C16orf89: variants seen among roughly 807,000 people sequenced by gnomAD.
The protein encoded by C16orf89 is chromosome 16 open reading frame 89.
In C16orf89, 57 loss-of-function variants were observed where a neutral mutation model predicts 41.5. The observed-to-expected ratio is 1.38, with a 90% CI of 1.11 to 1.71. C16orf89 has a LOEUF of 1.71. Ranked by LOEUF, C16orf89 falls within the 40% of genes most tolerant of loss-of-function variation. The pLI is 0.00. For synonymous variants in C16orf89, 223 were observed against 190.6 expected, an observed-to-expected ratio of 1.17 and a Z score of -1.40; for missense variants, 575 against 445.9, an observed-to-expected ratio of 1.29 and a Z score of -2.61.
intron 7 of C16orf89, among the ~76,000 whole-genome samples, chr16:5,045,370 C>T (rs1323301818): frequency 6.6e-6 from 1 of 152,190 alleles, no homozygotes; most frequent in Admixed American, 6.5e-5. Flanking sequence ...GAGTCAGAGT[C>T]TCAGGCCTGA....
At chr16:5,060,847 A>G (rs1392656036) in intron 2 of C16orf89, among the ~76,000 whole-genome samples, 2 of 151,940 alleles carry the variant, frequency 1.3e-5, no homozygotes, top group African/African-American at 4.8e-5. Context: ...AAAAATAAAA[A>G]AAGTAGCCAG....
chr16:5,060,853 G>A (rs1956603382), intron 2 of C16orf89, among the ~76,000 whole-genome samples: 1 of 151,054 alleles, frequency 6.6e-6, no homozygotes, highest in Admixed American at 6.6e-5. Flanking sequence ...AAAAAAAGTA[G>A]CCAGGTGTGG....
At chr16:5,062,660 G>C in intron 1 of C16orf89, 86 bp from the exon 2 acceptor site, 1 of 1,384,824 alleles carries the variant, frequency 7.2e-7, no homozygotes, top group Non-Finnish European at 9.8e-7. Context: ...ATGCCCCAAA[G>C]TCTAATGCTT....
intron 6 of C16orf89, among the ~76,000 whole-genome samples, chr16:5,053,293 C>G (rs1956431067): frequency 6.6e-6 from 1 of 152,032 alleles, no homozygotes; most frequent in Non-Finnish European, 1.5e-5. Context: ...TCGCTTGTAC[C>G]TGGGAGGCGG....
intron 7 of C16orf89, among the ~76,000 whole-genome samples, chr16:5,046,727 T>C (rs1017869087): frequency 6.6e-6 from 1 of 152,146 alleles, no homozygotes; most frequent in Admixed American, 6.6e-5. Flanking sequence ...TGTGTCCCCC[T>C]CCTTCCCTTT....
rs1339950167 is a variant in C16orf89, at chr16:5,047,795, A to G, written c.955+83T>C. 9.8e-6 allele frequency: 8 copies of G among 817,978 alleles called. No homozygotes were observed. The East Asian group carries it at 1.3e-4, about 13-fold the overall frequency. The allele number at this position is 817,978 out of a possible 1,614,324, so 50.7% of individuals were successfully genotyped here. On this transcript the variant is annotated intron_variant, in intron 7 of 7. Transcript: ENST00000472572. ...TGGTGATGCCAAGTGCTTTTCTTCC[A>G]TAGCAGAGAATAAACACAGGCCTCT...
rs759387330 is a variant in C16orf89 at position 5,055,340 on chromosome 16, A to G, written c.774T>C (p.Cys258=). Residue 258 remains cysteine, a synonymous_variant, in exon 6 of 8, where the codon TGT becomes TGC. Coordinates refer to ENST00000472572, the MANE Select transcript of C16orf89 (RefSeq NM_001098514.3). ...AGAAGTCGGAGAAGCCGCCCATTCC[A>G]CAGAACATGACTGGAAGTAAAGACG... ...RDIFMENIMF[C]GMGGFSDFYK... 1.2e-6 allele frequency: 2 copies of G among 1,610,030 alleles called. No individual in the cohort carries two copies. The highest frequency in any genetic ancestry group is 1.7e-6 in the Non-Finnish European group (2 of 1,177,762).
At position 5,044,325 on chromosome 16, in the gene C16orf89, C is replaced by A; in HGVS notation, c.*23G>T. ...TAAAGGGGTCTGTTCCTCCTCCAGG[C>A]AGCTGGCATGGAACCGTCCGTCTCA... On this transcript the variant is annotated 3_prime_UTR_variant, in exon 8 of 8. Transcript: ENST00000472572. The A allele has an allele frequency of 1.5e-5, 24 of 1,578,490 alleles. No individual in the cohort carries two copies. The highest frequency in any genetic ancestry group is 2.0e-5 in the Non-Finnish European group (23 of 1,163,868).
In C16orf89 at chr16:5,047,803, G is replaced by C; in HGVS notation, c.955+75C>G. The stretch of plus-strand genomic sequence containing the variant: ...CCAAGTGCTTTTCTTCCATAGCAGA[G>C]AATAAACACAGGCCTCTGTTTTGCT... On this transcript the variant is annotated intron_variant, in intron 7 of 7. Transcript: ENST00000472572. 9 of 860,658 alleles carry C rather than the reference G, an allele frequency of 1.0e-5. No homozygotes were observed. In the South Asian group the frequency reaches 1.3e-4, roughly 12 times the overall value. 53.3% of individuals were successfully genotyped at this position (860,658 alleles called of 1,614,324 possible). A position where few individuals can be genotyped will look rare whatever the true frequency, so the allele number is the denominator to read the frequency against.
chr16:5,058,410 G>A, intron 4 of C16orf89, 83 bp downstream of exon 4: 2 of 1,264,520 alleles, frequency 1.6e-6, no homozygotes, highest in South Asian at 2.6e-5. Context: ...TTGGATTACA[G>A]GCATGAGCCA....
chr16:5,058,219 C>G lies in C16orf89; in HGVS notation c.627+274G>C, dbSNP rs182721081. 4.8e-3 allele frequency among the ~76,000 whole-genome samples: 729 copies of G among 152,042 alleles called. 1 individual carries two copies. The highest frequency in any genetic ancestry group is 6.3e-3 in the Non-Finnish European group (427 of 67,982). ...CTTACTCACTGCAACCTCCGCCTCC[C>G]GGGTTCCAGTGATTCTCCTGCCTCA... On this transcript the variant is annotated intron_variant, in intron 4 of 7. Transcript: ENST00000472572.
chr16:5,049,017 G>C (rs1260455022), intron 6 of C16orf89, among the ~76,000 whole-genome samples: 1 of 152,196 alleles, frequency 6.6e-6, no homozygotes, highest in Admixed American at 6.5e-5. Flanking sequence ...AAGTGAAAGA[G>C]TGAGAAAAGA....
intron 7 of C16orf89, among the ~76,000 whole-genome samples, chr16:5,047,640 G>A (rs1170203759): frequency 6.6e-6 from 1 of 151,920 alleles, no homozygotes; most frequent in Admixed American, 6.6e-5. Context: ...GCTAAGTTTT[G>A]TATTTTTAGT....
intron 5 of C16orf89, chr16:5,055,722 G>A: frequency 6.7e-7 from 1 of 1,503,390 alleles, no homozygotes; most frequent in South Asian, 1.3e-5. Flanking sequence ...CACTGGGGCA[G>A]CCTTTGGGGG....
At chr16:5,061,505 C>A (rs56007388) in intron 2 of C16orf89, among the ~76,000 whole-genome samples, 163 of 14,568 alleles carry the variant, frequency 0.011, 8 homozygotes, top group Middle Eastern at 0.091. Context: ...AAAAAAAAAA[C>A]CCCCCCAAAA....
intron 4 of C16orf89, among the ~76,000 whole-genome samples, chr16:5,056,783 T>C (rs919931372): frequency 6.6e-5 from 10 of 152,220 alleles, no homozygotes; most frequent in Admixed American, 3.9e-4. Context: ...ATATGGTTTT[T>C]ATTGTATTTA....
chr16:5,055,497 A>C, intron 5 of C16orf89, 147 bp from the exon 6 acceptor site: 1 of 947,148 alleles, frequency 1.1e-6, no homozygotes, highest in Admixed American at 2.6e-5. Context: ...GGAAGGAGGC[A>C]GCTTGAGCCT....
At chr16:5,062,314 A>G (rs1956642609) in intron 2 of C16orf89, 111 bp downstream of exon 2, 2 of 1,325,480 alleles carry the variant, frequency 1.5e-6, no homozygotes, top group Non-Finnish European at 2.0e-6. Flanking sequence ...CAAGTTGGTT[A>G]CGGACTGTCC....
chr16:5,054,848 A>G (rs1956459736), intron 6 of C16orf89, among the ~76,000 whole-genome samples: 1 of 152,278 alleles, frequency 6.6e-6, no homozygotes. Context: ...GTCTGCCACT[A>G]TGTGAGACGT....
Sources: gnomAD v4.1 joint callset for allele counts (sites outside exome capture counted in the v4.1 genomes callset) on GRCh38, gnomAD v4.1.1 for gene constraint, MANE v1.5 for transcripts, NCBI Gene and HGNC (gene_info 2026-07-23, HGNC 2026-07-21) for gene names.